The following SORCS3 variants were observed in gnomAD, a reference collection of about 807,000 sequenced individuals.
SORCS3 encodes the protein sortilin related VPS10 domain containing receptor 3, also known as VPS10 domain-containing receptor SorCS3.
Under a neutral mutation model 146.3 loss-of-function variants are expected in SORCS3, and 57 were observed. The ratio of observed to expected loss-of-function variants is 0.39; its 90% confidence interval spans 0.31 to 0.49. The LOEUF (loss-of-function observed/expected upper bound fraction) is 0.49, where lower values mean the gene tolerates loss of function less well. Ranked by LOEUF, SORCS3 falls within the 20% of genes least tolerant of loss-of-function variation. SORCS3 has a pLI of 0.92. For missense variants in SORCS3, 1,341 were observed against 1,575.5 expected (o/e 0.85, Z 2.52); for synonymous variants, 653 against 618.5 (o/e 1.06, Z -0.83).
intron 7 of SORCS3, among the ~76,000 whole-genome samples, chr10:105,106,576 G>A (rs2055823359): frequency 6.6e-6 from 1 of 152,188 alleles, no homozygotes; most frequent in South Asian, 2.1e-4. Flanking sequence ...CTAACAAGAT[G>A]TCTTTGCATA....
At chr10:104,851,836 C>T (rs2018277129) in intron 2 of SORCS3, among the ~76,000 whole-genome samples, 1 of 152,146 alleles carries the variant, frequency 6.6e-6, no homozygotes, top group South Asian at 2.1e-4. Context: ...CTTTATTGGA[C>T]ATAGTCTATA....
chr10:104,987,722 G>T (rs939072819), intron 4 of SORCS3, among the ~76,000 whole-genome samples: 2 of 152,058 alleles, frequency 1.3e-5, no homozygotes, highest in Admixed American at 1.3e-4. Flanking sequence ...CAAATGTAGG[G>T]TTTATTATTC....
chr10:105,204,684 A>G (rs2056591980), intron 16 of SORCS3, among the ~76,000 whole-genome samples: 2 of 146,922 alleles, frequency 1.4e-5, no homozygotes, highest in Admixed American at 6.9e-5. Flanking sequence ...TTGTGGTCAT[A>G]ATCTCAGAAC....
intron 1 of SORCS3, among the ~76,000 whole-genome samples, chr10:104,838,631 T>C (rs4918131): frequency 0.097 from 14,834 of 152,236 alleles, 918 homozygotes; most frequent in South Asian, 0.24. Flanking sequence ...TCCTCATACG[T>C]GTCCCACTCC....
chr10:104,825,844 C>T (rs2017928892), intron 1 of SORCS3, among the ~76,000 whole-genome samples: 1 of 152,144 alleles, frequency 6.6e-6, no homozygotes, highest in Admixed American at 6.5e-5. Flanking sequence ...TTTTTAATGG[C>T]TCGTTACACA....
intron 2 of SORCS3, among the ~76,000 whole-genome samples, chr10:104,850,309 G>A (rs1395926828): frequency 6.6e-6 from 1 of 152,210 alleles, no homozygotes; most frequent in African/African-American, 2.4e-5. Flanking sequence ...TCAGCCAGGT[G>A]CGGTGACTCG....
chr10:104,756,829 C>T (rs564778260), intron 1 of SORCS3, among the ~76,000 whole-genome samples: 5 of 152,298 alleles, frequency 3.3e-5, no homozygotes, highest in African/African-American at 1.2e-4. Flanking sequence ...CCTGAAAGTT[C>T]ATGCTCTGTG....
At chr10:105,193,714 C>T (rs1248546702) in intron 14 of SORCS3, among the ~76,000 whole-genome samples, 1 of 152,094 alleles carries the variant, frequency 6.6e-6, no homozygotes, top group Non-Finnish European at 1.5e-5. Flanking sequence ...CTCAAGGTCA[C>T]CTACTTAATT....
At chr10:104,721,269 C>G (rs2016544229) in intron 1 of SORCS3, among the ~76,000 whole-genome samples, 1 of 152,084 alleles carries the variant, frequency 6.6e-6, no homozygotes, top group African/African-American at 2.4e-5. Flanking sequence ...TCAGGTTTGT[C>G]AAAGATCAGA....
chr10:105,167,660 T>C (rs1357245365), intron 13 of SORCS3, among the ~76,000 whole-genome samples: 1 of 151,940 alleles, frequency 6.6e-6, no homozygotes, highest in Admixed American at 6.6e-5. Flanking sequence ...GAGATGGAAA[T>C]TGGAAGAGGA....
chr10:104,671,798 C>T (rs1289538384), intron 1 of SORCS3, among the ~76,000 whole-genome samples: 1 of 151,994 alleles, frequency 6.6e-6, no homozygotes, highest in Non-Finnish European at 1.5e-5. Context: ...TAAGTTGAAC[C>T]ATCCTTGTTT....
chr10:104,913,766 CTTTTTTT>C (rs35484660), intron 2 of SORCS3, among the ~76,000 whole-genome samples: 3 of 106,482 alleles, frequency 2.8e-5, no homozygotes, highest in Non-Finnish European at 5.5e-5. Context: ...TATCCCCATT[CTTTTTTT>C]TTTTTTTTTT....
chr10:104,659,341 T>A (rs1186907574), intron 1 of SORCS3, among the ~76,000 whole-genome samples: 1 of 152,176 alleles, frequency 6.6e-6, no homozygotes, highest in African/African-American at 2.4e-5. Flanking sequence ...CAAGCGAGAT[T>A]GTATAGTGCC....
intron 1 of SORCS3, among the ~76,000 whole-genome samples, chr10:104,730,720 A>T (rs190507209): frequency 6.6e-6 from 1 of 152,328 alleles, no homozygotes; most frequent in Admixed American, 6.5e-5. Flanking sequence ...GGAAACTTAT[A>T]ATCATGTTAG....
chr10:104,739,566 G>T (rs2016816415), intron 1 of SORCS3, among the ~76,000 whole-genome samples: 1 of 152,214 alleles, frequency 6.6e-6, no homozygotes, highest in Non-Finnish European at 1.5e-5. Flanking sequence ...CAGAGGCCAT[G>T]TCTACAACTC....
intron 1 of SORCS3, among the ~76,000 whole-genome samples, chr10:104,721,932 A>G (rs2016555133): frequency 6.6e-6 from 1 of 152,206 alleles, no homozygotes. Flanking sequence ...AACAGGAACA[A>G]TTTGACTTCC....
intron 1 of SORCS3, among the ~76,000 whole-genome samples, chr10:104,792,780 G>A (rs539076796): frequency 2.0e-5 from 3 of 152,184 alleles, no homozygotes; most frequent in Admixed American, 6.5e-5. Context: ...TTTGTAGGTT[G>A]TATATCAAAC....
At position 105,116,102 on chromosome 10, in the gene SORCS3, T is replaced by C. The variant is rs534464524; in HGVS notation, c.1212+10587T>C. On this transcript the variant is annotated intron_variant, in intron 7 of 26. Coordinates refer to ENST00000369701, the MANE Select transcript of SORCS3 (RefSeq NM_014978.3). ...TATATGTGTAATGATTATAGTGGTTTGCTGTTAGTATTTGAAATACTTCTA... is the reference window on the plus strand; with the variant it reads ...TATATGTGTAATGATTATAGTGGTTCGCTGTTAGTATTTGAAATACTTCTA... Among the ~76,000 whole-genome samples, 277 of 152,344 alleles carry C rather than the reference T, an allele frequency of 1.8e-3. 2 individuals carry two copies. The highest frequency in any genetic ancestry group is 3.7e-3 in the Non-Finnish European group (250 of 68,024).
chr10:105,134,164 C>T (rs978307004), intron 7 of SORCS3, among the ~76,000 whole-genome samples: 8 of 152,134 alleles, frequency 5.3e-5, no homozygotes, highest in African/African-American at 1.9e-4. Context: ...GAAGGAGGAG[C>T]ACAGGCTTAG....
Sources: allele counts gnomAD v4.1 joint callset (sites outside exome capture counted in the v4.1 genomes callset), GRCh38; gene constraint gnomAD v4.1.1; transcripts MANE v1.5; gene names NCBI Gene and HGNC (gene_info 2026-07-23, HGNC 2026-07-21).